Variants in KIF13A observed in about 807,000 individuals in gnomAD.
KIF13A encodes kinesin family member 13A.
Under a neutral mutation model 212.2 loss-of-function variants are expected in KIF13A, and 79 were observed. That is an observed-to-expected ratio of 0.37 (90% confidence interval 0.31 to 0.45). KIF13A has a LOEUF of 0.45. Among genes scored for constraint, KIF13A ranks in the 20% least tolerant of loss-of-function variants. The pLI is 1.00. For synonymous variants in KIF13A, 789 were observed against 808.6 expected (o/e 0.98, Z 0.41); for missense variants, 1,901 against 2,209.0 (o/e 0.86, Z 2.79).
Position 17,898,721 on chromosome 6 carries a change from AT to A in KIF13A, c.147-542del, listed in dbSNP as rs1772799797. 6.6e-6 allele frequency among the ~76,000 whole-genome samples: 1 copy of A among 151,978 alleles called. No homozygotes were observed. Among genetic ancestry groups the A allele is most frequent in the Non-Finnish European group, 1.5e-5 (1 of 67,986 alleles). On this transcript the variant is annotated intron_variant, in intron 2 of 38. Transcript: ENST00000259711. This position sits in a 1 kb window ranked among gnomAD's most constrained non-coding sequence, Gnocchi z 5.2. ...AATAGACATTTAAAAGCAAGTTTCCATTTTTTCCCCACCATCAGCCACACAC... is the reference window on the plus strand; with the variant it reads ...AATAGACATTTAAAAGCAAGTTTCCATTTTTCCCCACCATCAGCCACACAC...
At position 17,934,835 on chromosome 6, in the gene KIF13A, C is replaced by A. The variant is rs1031659610; in HGVS notation, c.147-36655G>T. Among the ~76,000 whole-genome samples, 1 of 151,436 alleles carries A rather than the reference C, an allele frequency of 6.6e-6. No homozygotes were observed. Among genetic ancestry groups the A allele is most frequent in the African/African-American group, 2.4e-5 (1 of 41,236 alleles). The stretch of plus-strand genomic sequence containing the variant: ...AAAATAATACTCTTGTGCTGTTTGT[C>A]ATAAATATGGCCACCATCTAATGTA... On this transcript the variant is annotated intron_variant, in intron 2 of 38. Coordinates refer to ENST00000259711, the MANE Select transcript of KIF13A (RefSeq NM_022113.6). The surrounding 1 kb of genome is among the most constrained non-coding windows in gnomAD (Gnocchi z 5.4).
chr6:17,901,430 C>A (rs528091633), intron 2 of KIF13A, among the ~76,000 whole-genome samples: 6 of 152,244 alleles, frequency 3.9e-5, no homozygotes, highest in Non-Finnish European at 7.3e-5. Context: ...ACTTAACAGG[C>A]TGAGATTGCT....
chr6:17,944,356 C>T (rs1777205597), intron 2 of KIF13A, among the ~76,000 whole-genome samples: 1 of 152,226 alleles, frequency 6.6e-6, no homozygotes, highest in Non-Finnish European at 1.5e-5. Flanking sequence ...TTCAGTATGC[C>T]CCAAATCCAT....
intron 2 of KIF13A, among the ~76,000 whole-genome samples, chr6:17,973,900 A>G (rs1780040210): frequency 6.6e-6 from 1 of 152,244 alleles, no homozygotes; most frequent in South Asian, 2.1e-4. Context: ...CAAACCAGAA[A>G]GCTTAGAAAG....
intron 9 of KIF13A, among the ~76,000 whole-genome samples, chr6:17,848,968 A>T (rs963684427): frequency 2.0e-5 from 3 of 151,944 alleles, no homozygotes; most frequent in Non-Finnish European, 4.4e-5. Context: ...CCCAAGCTGG[A>T]GTGTAGTGGT....
intron 2 of KIF13A, among the ~76,000 whole-genome samples, chr6:17,954,726 T>C (rs550811523): frequency 6.6e-6 from 1 of 152,222 alleles, no homozygotes; most frequent in East Asian, 1.9e-4. Flanking sequence ...CAGGCTGGAG[T>C]GCAGTGTTGC....
At chr6:17,876,532 C>A (rs559396432) in intron 3 of KIF13A, among the ~76,000 whole-genome samples, 3 of 152,310 alleles carry the variant, frequency 2.0e-5, no homozygotes, top group East Asian at 1.9e-4. Flanking sequence ...TTCTCTGAAA[C>A]CTTACAACAC....
intron 18 of KIF13A, among the ~76,000 whole-genome samples, chr6:17,806,801 C>T (rs1487425590): frequency 6.6e-6 from 1 of 152,170 alleles, no homozygotes; most frequent in Non-Finnish European, 1.5e-5. Flanking sequence ...ATCACTTGAA[C>T]CCGGGAGGCG....
At position 17,888,551 on chromosome 6, in the gene KIF13A, T is replaced by C. The variant is rs188160425; in HGVS notation, c.159+9617A>G. Among the ~76,000 whole-genome samples, 12 of 152,290 alleles carry C rather than the reference T, an allele frequency of 7.9e-5. No homozygotes were observed. Among genetic ancestry groups the C allele is most frequent in the Non-Finnish European group, 1.3e-4 (9 of 68,030 alleles). ...ACTGAAAAGTAAAAGAGGCCAACCA[T>C]GGTGGCTTATGCCTGTAATCCCAGC... On this transcript the variant is annotated intron_variant, in intron 3 of 38. Coordinates refer to ENST00000259711, the MANE Select transcript of KIF13A (RefSeq NM_022113.6). The surrounding 1 kb of genome is among the most constrained non-coding windows in gnomAD (Gnocchi z 4.8).
intron 2 of KIF13A, among the ~76,000 whole-genome samples, chr6:17,974,174 C>G (rs908284938): frequency 6.6e-6 from 1 of 152,084 alleles, no homozygotes; most frequent in Non-Finnish European, 1.5e-5. Context: ...CTCCACCTCC[C>G]GGGTTCAAGC....
Position 17,787,686 on chromosome 6 carries a change from C to T in KIF13A, c.3361+90G>A. On this transcript the variant is annotated intron_variant, in intron 27 of 38. Transcript: ENST00000259711. The surrounding 1 kb of genome is among the most constrained non-coding windows in gnomAD (Gnocchi z 4.6). Reference sequence around the variant, plus strand: ...CAACAACAACAACAAAAATAAGATACTACTGTCCAGTTAGGGGAAGAAAAC... The same window carrying T: ...CAACAACAACAACAAAAATAAGATATTACTGTCCAGTTAGGGGAAGAAAAC... 1 of 762,748 alleles carries T rather than the reference C, an allele frequency of 1.3e-6. No homozygotes were observed. 47.2% of individuals were successfully genotyped at this position (762,748 alleles called of 1,614,324 possible).
intron 2 of KIF13A, among the ~76,000 whole-genome samples, chr6:17,977,058 C>T (rs187442569): frequency 1.5e-4 from 23 of 149,742 alleles, no homozygotes; most frequent in African/African-American, 5.4e-4. Flanking sequence ...GCCGAGACTG[C>T]GCCACTGCAC....
rs1295641239 is a variant in KIF13A, at chr6:17,963,812, C to T, written c.146+23242G>A. On this transcript the variant is annotated intron_variant, in intron 2 of 38. Transcript: ENST00000259711. The surrounding 1 kb of genome is among the most constrained non-coding windows in gnomAD (Gnocchi z 4.1). ...CCTTGTGATCCGCCCACCTCAGCCT[C>T]CCAAAGTGTTGGGATTACGGGCGTG... 6.6e-6 allele frequency among the ~76,000 whole-genome samples: 1 copy of T among 152,202 alleles called. No individual in the cohort carries two copies. Among genetic ancestry groups the T allele is most frequent in the Non-Finnish European group, 1.5e-5 (1 of 68,046 alleles).
chr6:17,876,441 G>A (rs1305704375), intron 3 of KIF13A, among the ~76,000 whole-genome samples: 2 of 151,878 alleles, frequency 1.3e-5, no homozygotes, highest in East Asian at 1.9e-4. Flanking sequence ...TTCAAAATAC[G>A]TCATACCCCT....
At chr6:17,978,976 A>C (rs1279204097) in intron 2 of KIF13A, among the ~76,000 whole-genome samples, 2 of 152,188 alleles carry the variant, frequency 1.3e-5, no homozygotes, top group African/African-American at 4.8e-5. Flanking sequence ...ACAGTGATGC[A>C]AAAAGTATGA....
intron 3 of KIF13A, 21 bp from the exon 4 acceptor site, chr6:17,873,458 T>G: frequency 6.6e-7 from 1 of 1,506,394 alleles, no homozygotes; most frequent in Non-Finnish European, 9.1e-7. Flanking sequence ...GAACAAAATA[T>G]TAAACTTAAA....
Position 17,811,988 on chromosome 6 carries a change from A to G in KIF13A, c.2001-3058T>C, listed in dbSNP as rs1235729311. ...GTGATCCTCCTGCCTCAGCCTCTGGAGTAGCTGAGACTATAGGCATGTGCC... is the reference window on the plus strand; with the variant it reads ...GTGATCCTCCTGCCTCAGCCTCTGGGGTAGCTGAGACTATAGGCATGTGCC... On this transcript the variant is annotated intron_variant, in intron 17 of 38. Coordinates refer to ENST00000259711, the MANE Select transcript of KIF13A (RefSeq NM_022113.6). This position sits in a 1 kb window ranked among gnomAD's most constrained non-coding sequence, Gnocchi z 6.0. The G allele has an allele frequency of 2.0e-5, 3 of 152,196 alleles. No individual in the cohort carries two copies. The highest frequency in any genetic ancestry group is 4.8e-5 in the African/African-American group (2 of 41,444). The allele number at this position is 152,196 out of a possible 1,614,324, so 9.4% of individuals were successfully genotyped here.
At chr6:17,822,044 T>C (rs1462778752) in intron 16 of KIF13A, 1 of 330,674 alleles carries the variant, frequency 3.0e-6, no homozygotes, top group Non-Finnish European at 4.2e-6. Flanking sequence ...ACATAACTTC[T>C]TTTTTTTTTT....
In KIF13A at chr6:17,838,246, G is replaced by A. The variant is rs554697503; in HGVS notation, c.831-663C>T. 2.6e-5 allele frequency among the ~76,000 whole-genome samples: 4 copies of A among 151,880 alleles called. No individual in the cohort carries two copies. Among genetic ancestry groups the A allele is most frequent in the South Asian group, 4.2e-4 (2 of 4,784 alleles). On this transcript the variant is annotated intron_variant, in intron 9 of 38. Coordinates refer to ENST00000259711, the MANE Select transcript of KIF13A (RefSeq NM_022113.6). The surrounding 1 kb of genome is among the most constrained non-coding windows in gnomAD (Gnocchi z 4.2). Reference sequence around the variant, plus strand: ...TGAGGCAGGAAAATTGCTTGAACCCGGGAGGCGGAGGCTGCAGTGAGCCAA... The same window carrying A: ...TGAGGCAGGAAAATTGCTTGAACCCAGGAGGCGGAGGCTGCAGTGAGCCAA...
Sources: allele counts gnomAD v4.1 joint callset (sites outside exome capture counted in the v4.1 genomes callset), GRCh38; gene constraint gnomAD v4.1.1; non-coding constraint Gnocchi (gnomAD v3.1); transcripts MANE v1.5; gene names NCBI Gene and HGNC (gene_info 2026-07-23, HGNC 2026-07-21).